Variants in ARHGEF10L observed in about 807,000 individuals in gnomAD.
The protein encoded by ARHGEF10L is Rho guanine nucleotide exchange factor 10 like, also known as rho guanine nucleotide exchange factor 10-like protein.
Under a neutral mutation model 141.2 loss-of-function variants are expected in ARHGEF10L, and 69 were observed. The observed-to-expected ratio is 0.49, with a 90% CI of 0.40 to 0.60. ARHGEF10L has a LOEUF of 0.60. ARHGEF10L is among the 20% of genes least tolerant of loss of function. ARHGEF10L has a pLI of 0.00. For synonymous variants in ARHGEF10L, 711 were observed against 718.5 expected (o/e 0.99, Z 0.17); for missense variants, 1,482 against 1,734.3 (o/e 0.85, Z 2.58).
chr1:17,671,743 C>T (rs1026339710), intron 26 of ARHGEF10L, among the ~76,000 whole-genome samples: 3 of 152,294 alleles, frequency 2.0e-5, no homozygotes, highest in South Asian at 2.1e-4. Flanking sequence ...CTACATACAC[C>T]ACAGCTACAT....
At chr1:17,622,930 G>C (rs2060183477) in intron 11 of ARHGEF10L, 66 bp from the exon 12 acceptor site, 1 of 1,527,330 alleles carries the variant, frequency 6.5e-7, no homozygotes, top group Admixed American at 1.9e-5. Flanking sequence ...GCCGAGTTCT[G>C]CATGAGGGCA....
At chr1:17,519,441 C>G in the ARHGEF10L span, among the ~76,000 whole-genome samples, 5 of 151,984 alleles carry the variant, frequency 3.3e-5, no homozygotes, top group African/African-American at 9.7e-5. Flanking sequence ...GAAACCCTGT[C>G]TTTACAAAAA....
Position 17,697,219 on chromosome 1 carries a change from G to A in ARHGEF10L, c.3679G>A (p.Ala1227Thr), listed in dbSNP as rs766792968. The change falls in exon 29 of 29, where the codon GCC becomes ACC. Residue 1227 changes from alanine to threonine, a missense_variant. By Grantham distance (58) the Ala-to-Thr change is moderately conservative. This residue lies in a region of ARHGEF10L where 858 missense variants were observed against 966.3 expected (regional missense o/e 0.89). Coordinates refer to ENST00000361221, the MANE Select transcript of ARHGEF10L (RefSeq NM_018125.4). This position sits in a 1 kb window ranked among gnomAD's most constrained non-coding sequence, Gnocchi z 4.8. ...PDIWVRSRPC[A>T]RDAHRKEICS... ...CATCTGGGTGCGCAGCCGGCCCTGC[G>A]CCCGCGACGCCCACCGCAAGGAGAT... The A allele has an allele frequency of 6.2e-6, 10 of 1,611,946 alleles. No homozygotes were observed. The highest frequency in any genetic ancestry group is 3.3e-5 in the Admixed American group (2 of 59,934).
chr1:17,611,541 C>CATCCATCCATCA (rs1476589343), intron 7 of ARHGEF10L, among the ~76,000 whole-genome samples: 6 of 146,106 alleles, frequency 4.1e-5, no homozygotes, highest in Admixed American at 2.7e-4. Flanking sequence ...TATATCCATC[C>CATCCATCCATCA]ATCCATCCAT....
intron 28 of ARHGEF10L, among the ~76,000 whole-genome samples, chr1:17,696,224 A>AAG (rs1558062337): frequency 1.3e-5 from 2 of 151,200 alleles, no homozygotes; most frequent in Non-Finnish European, 2.9e-5. Flanking sequence ...AAAAAAAAAA[A>AAG]AAAAGTTGCT....
In ARHGEF10L at chr1:17,627,302, C is replaced by T. The variant is rs368775829; in HGVS notation, c.1411-28C>T. 32 of 1,604,464 alleles carry T rather than the reference C, an allele frequency of 2.0e-5. No individual in the cohort carries two copies. The African/African-American group carries it at 2.7e-4, about 13-fold the overall frequency. On this transcript the variant is annotated intron_variant, in intron 14 of 28. Coordinates refer to ENST00000361221, the MANE Select transcript of ARHGEF10L (RefSeq NM_018125.4). The surrounding 1 kb of genome is among the most constrained non-coding windows in gnomAD (Gnocchi z 4.0). ...TGGGGTAGAGTTGGTCATGGGTGGGCTGCTCAGTCTCTGCTCTGACCTGGC... is the reference window on the plus strand; with the variant it reads ...TGGGGTAGAGTTGGTCATGGGTGGGTTGCTCAGTCTCTGCTCTGACCTGGC...
intron 26 of ARHGEF10L, among the ~76,000 whole-genome samples, chr1:17,674,320 G>A (rs897982445): frequency 4.6e-5 from 7 of 152,164 alleles, no homozygotes; most frequent in African/African-American, 1.4e-4. Context: ...GGTGAAGACC[G>A]GGATCTTGGC....
intron 18 of ARHGEF10L, 48 bp from the exon 19 acceptor site, chr1:17,637,840 C>T (rs1010576124): frequency 3.4e-5 from 51 of 1,510,766 alleles, no homozygotes; most frequent in Non-Finnish European, 4.3e-5. Flanking sequence ...TGCTTGGCTT[C>T]TTGTTAGCGC....
rs113299701 is a variant in ARHGEF10L, at chr1:17,624,138, G to A, written c.1201-249G>A. On this transcript the variant is annotated intron_variant, in intron 12 of 28. Transcript: ENST00000361221. Reference sequence around the variant, plus strand: ...GACCTGGGAGGCGAAGGTCCCCTGGGCTCTCCTGTGGCACCACCCCATCCC... The same window carrying A: ...GACCTGGGAGGCGAAGGTCCCCTGGACTCTCCTGTGGCACCACCCCATCCC... 2.6e-3 allele frequency among the ~76,000 whole-genome samples: 403 copies of A among 152,288 alleles called. 2 individuals are homozygous for A. The highest frequency in any genetic ancestry group is 9.3e-3 in the African/African-American group (386 of 41,554).
chr1:17,630,470 T>A (rs1200255102), intron 15 of ARHGEF10L, among the ~76,000 whole-genome samples: 1 of 152,134 alleles, frequency 6.6e-6, no homozygotes, highest in Non-Finnish European at 1.5e-5. Context: ...TGGCGTTTGG[T>A]TTCCTTGTGG....
intron 4 of ARHGEF10L, 89 bp from the exon 5 acceptor site, chr1:17,602,038 C>T: frequency 2.4e-6 from 3 of 1,248,716 alleles, no homozygotes; most frequent in Non-Finnish European, 3.3e-6. Flanking sequence ...CACTTTTGCC[C>T]ATCATGTCCC....
intron 26 of ARHGEF10L, among the ~76,000 whole-genome samples, chr1:17,685,358 G>GC (rs1351392795): frequency 1.3e-5 from 2 of 152,148 alleles, no homozygotes; most frequent in African/African-American, 2.4e-5. Flanking sequence ...CCATTGCTGT[G>GC]CCCCCCACCA....
At position 17,558,375 on chromosome 1, in the gene ARHGEF10L, T is replaced by G. The variant is rs1474761063; in HGVS notation, c.-44+18425T>G. Among the ~76,000 whole-genome samples the G allele has an allele frequency of 6.6e-6, 1 of 152,230 alleles. No individual in the cohort carries two copies. The highest frequency in any genetic ancestry group is 1.9e-4 in the East Asian group (1 of 5,192). Reference sequence around the variant, plus strand: ...GCCCTGGGTATTGGAGAGACAGAAATGAAAGGCATTATTCTTGCCTTCAAG... The same window carrying G: ...GCCCTGGGTATTGGAGAGACAGAAAGGAAAGGCATTATTCTTGCCTTCAAG... On this transcript the variant is annotated intron_variant, in intron 1 of 28. Transcript: ENST00000361221. This position sits in a 1 kb window ranked among gnomAD's most constrained non-coding sequence, Gnocchi z 4.2.
chr1:17,680,934 C>A (rs964979693), intron 26 of ARHGEF10L, among the ~76,000 whole-genome samples: 1 of 152,048 alleles, frequency 6.6e-6, no homozygotes, highest in Non-Finnish European at 1.5e-5. Context: ...CAAGTGCCCA[C>A]CACCATGCCC....
rs1171872752 is a variant in ARHGEF10L at position 17,697,704 on chromosome 1, C to T, written c.*324C>T. Reference sequence around the variant, plus strand: ...AGCGGGACTCCAAGGCAGCCACACGCCCCTCCTGGAAGGGTGTGTGCGTGT... The same window carrying T: ...AGCGGGACTCCAAGGCAGCCACACGTCCCTCCTGGAAGGGTGTGTGCGTGT... On this transcript the variant is annotated 3_prime_UTR_variant, in exon 29 of 29. Coordinates refer to ENST00000361221, the MANE Select transcript of ARHGEF10L (RefSeq NM_018125.4). The surrounding 1 kb of genome is among the most constrained non-coding windows in gnomAD (Gnocchi z 4.8). 2 of 527,982 alleles carry T rather than the reference C, an allele frequency of 3.8e-6. No homozygotes were observed. Among genetic ancestry groups the T allele is most frequent in the Non-Finnish European group, 7.3e-6 (2 of 274,258 alleles). 32.7% of individuals were successfully genotyped at this position (527,982 alleles called of 1,614,324 possible). A position where few individuals can be genotyped will look rare whatever the true frequency, so the allele number is the denominator to read the frequency against.
chr1:17,610,257 C>G (rs2059476874), intron 7 of ARHGEF10L, among the ~76,000 whole-genome samples: 1 of 152,186 alleles, frequency 6.6e-6, no homozygotes, highest in Non-Finnish European at 1.5e-5. Context: ...TTAAGCAGCT[C>G]TCTGCCCCCA....
intron 8 of ARHGEF10L, among the ~76,000 whole-genome samples, chr1:17,613,849 G>T (rs1180671076): frequency 6.6e-6 from 1 of 152,174 alleles, no homozygotes; most frequent in African/African-American, 2.4e-5. Context: ...TCCTGAGCAG[G>T]CCCCTTGGCC....
intron 20 of ARHGEF10L, 135 bp downstream of exon 20, chr1:17,638,824 G>T: frequency 7.5e-7 from 1 of 1,334,580 alleles, no homozygotes; most frequent in Non-Finnish European, 1.0e-6. Context: ...TAGGCATCGT[G>T]GGCCATGTCT....
In ARHGEF10L at chr1:17,632,411, G is replaced by T; in HGVS notation, c.1675G>T (p.Glu559Ter). ...CCGCGGGCAGCTAATTAAGTCCAAG[G>T]AGCGTCGGGTCTTCCTGCTCAACGA... The part of the protein sequence containing the change: ...GDRGQLIKSK[E>*]RRVFLLNDML... Residue 559 changes from glutamate to a stop codon, truncating the protein, a stop_gained, in exon 16 of 29, where the codon GAG becomes TAG. Transcript: ENST00000361221. LOFTEE classifies it high-confidence loss of function. 2 of 1,614,194 alleles carry T rather than the reference G, an allele frequency of 1.2e-6. No homozygotes were observed. The highest frequency in any genetic ancestry group is 1.7e-6 in the Non-Finnish European group (2 of 1,180,026).
Sources: gnomAD v4.1 joint callset for allele counts (sites outside exome capture counted in the v4.1 genomes callset) on GRCh38, gnomAD v4.1.1 for gene constraint, gnomAD v4.1.1 regional missense constraint, Gnocchi (gnomAD v3.1) non-coding constraint, MANE v1.5 for transcripts, NCBI Gene and HGNC (gene_info 2026-07-23, HGNC 2026-07-21) for gene names.